Variants in PALLD observed in about 807,000 individuals in gnomAD.
PALLD encodes palladin, cytoskeletal associated protein.
Under a neutral mutation model 123.5 loss-of-function variants are expected in PALLD, and 61 were observed. That is an observed-to-expected ratio of 0.49 (90% confidence interval 0.40 to 0.61). PALLD has a LOEUF of 0.61. Among genes scored for constraint, PALLD ranks in the 20% least tolerant of loss-of-function variants. The pLI is 0.00. For missense variants in PALLD, 1,273 were observed against 1,377.0 expected (o/e 0.92, Z 1.20); for synonymous variants, 465 against 496.4 (o/e 0.94, Z 0.84).
chr4:168,746,017 G>A (rs139017578), intron 10 of PALLD, among the ~76,000 whole-genome samples: 6 of 152,188 alleles, frequency 3.9e-5, no homozygotes, highest in Non-Finnish European at 5.9e-5. Context: ...CACAAAGGTC[G>A]GGAAATCATG....
intron 10 of PALLD, among the ~76,000 whole-genome samples, chr4:168,815,796 A>G (rs1741812990): frequency 6.6e-6 from 1 of 152,198 alleles, no homozygotes; most frequent in Non-Finnish European, 1.5e-5. Flanking sequence ...AAGCGATAGG[A>G]TATCCTGTAT....
chr4:168,903,761 A>G lies in PALLD; in HGVS notation c.2477A>G (p.Tyr826Cys), dbSNP rs372470150. 3 of 1,610,224 alleles carry G rather than the reference A, an allele frequency of 1.9e-6. No individual in the cohort carries two copies. Among genetic ancestry groups the G allele is most frequent in the South Asian group, 1.1e-5 (1 of 90,988 alleles). Reference sequence around the variant, plus strand: ...AATCTTTGTTTCTATTCACAGATCTATTGGTTTAAAGATGGGAAGCAGATC... The same window carrying G: ...AATCTTTGTTTCTATTCACAGATCTGTTGGTTTAAAGATGGGAAGCAGATC... ...RVAGNPKPKI[Y>C]WFKDGKQISP... Residue 826 changes from tyrosine (Y) to cysteine (C), a missense_variant, in exon 15 of 22, where the codon TAT (tyrosine) becomes TGT (cysteine). Coordinates refer to ENST00000505667, the MANE Select transcript of PALLD (RefSeq NM_001166108.2).
At chr4:168,919,860 TCTTTA>T (rs1480621282) in intron 17 of PALLD, among the ~76,000 whole-genome samples, 3 of 152,196 alleles carry the variant, frequency 2.0e-5, no homozygotes, top group Non-Finnish European at 2.9e-5. Flanking sequence ...GATCATGCTG[TCTTTA>T]CTTAGCCAGG....
intron 2 of PALLD, among the ~76,000 whole-genome samples, chr4:168,543,580 A>G (rs1446740714): frequency 2.6e-5 from 4 of 152,150 alleles, no homozygotes; most frequent in Admixed American, 1.3e-4. Flanking sequence ...AATGAAGTAA[A>G]TGAAAATGAG....
chr4:168,599,552 G>A (rs1772333678), intron 2 of PALLD, among the ~76,000 whole-genome samples: 1 of 152,164 alleles, frequency 6.6e-6, no homozygotes, highest in Non-Finnish European at 1.5e-5. Flanking sequence ...GTAAGTGGGA[G>A]AATAGTGCAA....
At chr4:168,600,091 G>GTGTATGCACACATATATATACATA (rs1561291419) in intron 2 of PALLD, among the ~76,000 whole-genome samples, 4 of 133,792 alleles carry the variant, frequency 3.0e-5, no homozygotes, top group African/African-American at 5.2e-5. Context: ...ATATATACAT[G>GTGTATGCACACATATATATACATA]CATGTGTATG....
intron 2 of PALLD, among the ~76,000 whole-genome samples, chr4:168,610,076 T>C (rs1040202215): frequency 1.3e-5 from 2 of 152,194 alleles, no homozygotes; most frequent in Admixed American, 1.3e-4. Flanking sequence ...CTCCAATTGG[T>C]TCTTCATAAC....
At chr4:168,753,640 G>A (rs575439707) in intron 10 of PALLD, among the ~76,000 whole-genome samples, 14 of 152,220 alleles carry the variant, frequency 9.2e-5, no homozygotes, top group Middle Eastern at 3.4e-3. Flanking sequence ...GGCTTCCTAC[G>A]TGCACCCTCT....
At chr4:168,685,587 G>A in intron 6 of PALLD, 28 bp downstream of exon 6, 1 of 1,472,480 alleles carries the variant, frequency 6.8e-7, no homozygotes, top group African/African-American at 1.4e-5. Flanking sequence ...CTCATTCTCT[G>A]TGTTTGCTTT....
chr4:168,868,964 T>C (rs1336026766), intron 10 of PALLD, among the ~76,000 whole-genome samples: 1 of 152,158 alleles, frequency 6.6e-6, no homozygotes, highest in Non-Finnish European at 1.5e-5. Context: ...TTTTGACTGA[T>C]AACCAAATCA....
intron 3 of PALLD, among the ~76,000 whole-genome samples, chr4:168,673,680 G>A (rs1780531753): frequency 6.6e-6 from 1 of 152,216 alleles, no homozygotes; most frequent in Admixed American, 6.5e-5. Context: ...AGATGAGGGA[G>A]TGAGTCAGAT....
chr4:168,690,828 G>A lies in PALLD; in HGVS notation c.1477+84G>A, dbSNP rs1471524583. The A allele has an allele frequency of 3.0e-6, 4 of 1,337,298 alleles. 1 individual carries two copies. Among genetic ancestry groups the A allele is most frequent in the Non-Finnish European group, 4.3e-6 (4 of 931,164 alleles). 82.8% of individuals were successfully genotyped at this position (1,337,298 alleles called of 1,614,324 possible). Reference sequence around the variant, plus strand: ...AAACCAAGAAGGGCTAAGTCATTAAGATGAATTGATCTCTATGTTCAAAGA... The same window carrying A: ...AAACCAAGAAGGGCTAAGTCATTAAAATGAATTGATCTCTATGTTCAAAGA... On this transcript the variant is annotated intron_variant, in intron 7 of 21. Coordinates refer to ENST00000505667, the MANE Select transcript of PALLD (RefSeq NM_001166108.2).
chr4:168,871,499 A>AT (rs1028221277), intron 10 of PALLD, among the ~76,000 whole-genome samples: 4 of 152,160 alleles, frequency 2.6e-5, no homozygotes, highest in East Asian at 1.9e-4. Context: ...TGAAAAACAG[A>AT]TTTTTTCTTC....
At chr4:168,626,894 G>T (rs904186703) in intron 2 of PALLD, among the ~76,000 whole-genome samples, 1 of 152,124 alleles carries the variant, frequency 6.6e-6, no homozygotes, top group East Asian at 1.9e-4. Context: ...GATTAAAGCA[G>T]TCAAAGTCAT....
At chr4:168,742,667 TA>T (rs1378762413) in intron 10 of PALLD, among the ~76,000 whole-genome samples, 2 of 152,236 alleles carry the variant, frequency 1.3e-5, no homozygotes, top group Non-Finnish European at 1.5e-5. Flanking sequence ...CAGAATTTTT[TA>T]GTAGTTTTCA....
rs988053585 is a variant in PALLD at position 168,752,712 on chromosome 4, T to A, written c.1964+40789T>A. ...CCATACATATGATATCATTGGCATC[T>A]ATATACTTTGAAAATATGGTAGTAA... On this transcript the variant is annotated intron_variant, in intron 10 of 21. Transcript: ENST00000505667. Among the ~76,000 whole-genome samples the A allele has an allele frequency of 2.6e-5, 4 of 150,952 alleles. No individual in the cohort carries two copies. The South Asian group carries it at 8.5e-4, about 32-fold the overall frequency.
intron 10 of PALLD, among the ~76,000 whole-genome samples, chr4:168,852,320 G>A (rs970274807): frequency 5.3e-5 from 8 of 152,160 alleles, no homozygotes; most frequent in African/African-American, 1.4e-4. Flanking sequence ...GGCAAGTGCT[G>A]TGTCTGTTTT....
chr4:168,847,007 C>T (rs1214776376), intron 10 of PALLD, among the ~76,000 whole-genome samples: 1 of 152,176 alleles, frequency 6.6e-6, no homozygotes, highest in African/African-American at 2.4e-5. Context: ...TGAAAGGGGA[C>T]TGGAATTGCA....
intron 10 of PALLD, among the ~76,000 whole-genome samples, chr4:168,726,910 C>T (rs1241173779): frequency 1.3e-5 from 2 of 152,130 alleles, no homozygotes; most frequent in Non-Finnish European, 2.9e-5. Context: ...TTAGCAGTGT[C>T]TGTCATTTCT....
Sources: allele counts gnomAD v4.1 joint callset (sites outside exome capture counted in the v4.1 genomes callset), GRCh38; gene constraint gnomAD v4.1.1; transcripts MANE v1.5; gene names NCBI Gene and HGNC (gene_info 2026-07-23, HGNC 2026-07-21).